The following CTDSPL2 variants were observed in gnomAD, a reference collection of about 807,000 sequenced individuals.
CTDSPL2 encodes CTD small phosphatase like 2, also known as CTD small phosphatase-like protein 2.
A neutral mutation model predicts 60.0 loss-of-function variants in CTDSPL2; 5 were observed. The ratio of observed to expected loss-of-function variants is 0.08; its 90% CI spans 0.04 to 0.18. The LOEUF (loss-of-function observed/expected upper bound fraction) is 0.18, where lower values mean the gene tolerates loss of function less well. Ranked by LOEUF, CTDSPL2 falls within the 10% of genes least tolerant of loss-of-function variation. The probability of loss-of-function intolerance (pLI) is 1.00; values close to 1 mark genes in which losing one functional copy is unlikely to be tolerated. For missense variants in CTDSPL2, 370 were observed against 548.8 expected, an observed-to-expected ratio of 0.67 and a Z score of 3.26; for synonymous variants, 186 against 189.3, an observed-to-expected ratio of 0.98 and a Z score of 0.14.
chr15:44,500,765 T>A (rs1900237118), intron 8 of CTDSPL2, among the ~76,000 whole-genome samples: 1 of 152,122 alleles, frequency 6.6e-6, no homozygotes, highest in African/African-American at 2.4e-5. Context: ...TAAATAGAAG[T>A]TTGTGGTTCA....
At chr15:44,436,482 G>A (rs914081485) in intron 1 of CTDSPL2, among the ~76,000 whole-genome samples, 2 of 152,020 alleles carry the variant, frequency 1.3e-5, no homozygotes, top group Non-Finnish European at 2.9e-5. Context: ...TTATTTTTTA[G>A]GTAAAATTTA....
At position 44,447,096 on chromosome 15, in the gene CTDSPL2, A is replaced by G. The variant is rs77208440; in HGVS notation, c.-24-11895A>G. Among the ~76,000 whole-genome samples the G allele has an allele frequency of 1.7e-3, 258 of 152,318 alleles. 3 individuals carry two copies. Among genetic ancestry groups the G allele is most frequent in the African/African-American group, 5.8e-3 (243 of 41,580 alleles). ...AGTTATTTATATTGAAATTATGTGG[A>G]AATTTTTACTTAAAACACTTCTGCT... On this transcript the variant is annotated intron_variant, in intron 1 of 12. Transcript: ENST00000260327.
rs144599281 is a variant in CTDSPL2, at chr15:44,490,453, G to C, written c.476-331G>C. Among the ~76,000 whole-genome samples, 343 of 152,248 alleles carry C rather than the reference G, an allele frequency of 2.3e-3. 1 individual carries two copies. Among genetic ancestry groups the C allele is most frequent in the African/African-American group, 8.0e-3 (331 of 41,552 alleles). On this transcript the variant is annotated intron_variant, in intron 4 of 12. Transcript: ENST00000260327. ...GCCCAGTCTTTGTTATTGAGATGGA[G>C]TTTTGCTGAGAAATTATTTTTATAT...
intron 5 of CTDSPL2, among the ~76,000 whole-genome samples, chr15:44,494,871 G>A (rs1567092694): frequency 2.0e-5 from 3 of 152,008 alleles, no homozygotes; most frequent in East Asian, 3.9e-4. Context: ...AGCCCAGATC[G>A]CGCCACTGCA....
intron 8 of CTDSPL2, among the ~76,000 whole-genome samples, chr15:44,510,286 C>T (rs1333876033): frequency 6.6e-6 from 1 of 152,158 alleles, no homozygotes; most frequent in Non-Finnish European, 1.5e-5. Flanking sequence ...GCGTGAGCCA[C>T]CATGCCTGGC....
chr15:44,442,620 T>TTTCTGGCCTTTTC (rs1301976735), intron 1 of CTDSPL2, among the ~76,000 whole-genome samples: 1 of 152,064 alleles, frequency 6.6e-6, no homozygotes, highest in Non-Finnish European at 1.5e-5. Flanking sequence ...TTGGTCCCTT[T>TTTCTGGCCTTTTC]TTCTGTCCTT....
chr15:44,507,281 C>T (rs2140848758), intron 8 of CTDSPL2, among the ~76,000 whole-genome samples: 1 of 151,406 alleles, frequency 6.6e-6, no homozygotes, highest in South Asian at 2.1e-4. Flanking sequence ...GATGGGGTTT[C>T]ACCATGTTGG....
chr15:44,474,400 A>G (rs992403555), intron 2 of CTDSPL2, among the ~76,000 whole-genome samples: 2 of 151,934 alleles, frequency 1.3e-5, no homozygotes, highest in African/African-American at 4.8e-5. Context: ...CTGAGGCGGG[A>G]GATCGCTTGA....
chr15:44,429,330 A>G (rs1438293076), intron 1 of CTDSPL2, among the ~76,000 whole-genome samples: 3 of 152,224 alleles, frequency 2.0e-5, no homozygotes, highest in Non-Finnish European at 2.9e-5. Flanking sequence ...GAGTCAGTTT[A>G]TTTAAAAAAT....
chr15:44,502,069 T>G, intron 8 of CTDSPL2: 1 of 445,458 alleles, frequency 2.2e-6, no homozygotes, highest in South Asian at 1.6e-5. Context: ...ACTTAAATCT[T>G]TAACCACTGT....
chr15:44,435,149 A>G (rs897300927), intron 1 of CTDSPL2, among the ~76,000 whole-genome samples: 2 of 151,524 alleles, frequency 1.3e-5, no homozygotes, highest in African/African-American at 4.9e-5. Flanking sequence ...AATCCCAGCC[A>G]CGGGGGCTGA....
intron 2 of CTDSPL2, among the ~76,000 whole-genome samples, chr15:44,476,834 AT>A: frequency 6.6e-6 from 1 of 152,344 alleles, no homozygotes; most frequent in East Asian, 1.9e-4. Flanking sequence ...ATATAGAAAA[AT>A]TTTGAAATTG....
chr15:44,439,121 A>G (rs991186191), intron 1 of CTDSPL2, among the ~76,000 whole-genome samples: 1 of 148,960 alleles, frequency 6.7e-6, no homozygotes, highest in Non-Finnish European at 1.5e-5. Flanking sequence ...CCCAAGCTTT[A>G]TATTATTATT....
At chr15:44,483,432 G>A (rs1180373078) in intron 2 of CTDSPL2, among the ~76,000 whole-genome samples, 1 of 151,984 alleles carries the variant, frequency 6.6e-6, no homozygotes, top group Non-Finnish European at 1.5e-5. Context: ...CAGCTACTCG[G>A]GAGGCTGAGG....
chr15:44,503,747 G>C (rs539719111), intron 8 of CTDSPL2: 1 of 152,332 alleles, frequency 6.6e-6, no homozygotes, highest in South Asian at 2.1e-4. Context: ...AGGGGCATCT[G>C]ATTTTTGACT....
chr15:44,513,171 A>G (rs1195759307), intron 8 of CTDSPL2, among the ~76,000 whole-genome samples: 1 of 152,034 alleles, frequency 6.6e-6, no homozygotes, highest in Admixed American at 6.6e-5. Flanking sequence ...TGATCATTCA[A>G]AATTTGTCTT....
chr15:44,446,305 A>G (rs1020498093), intron 1 of CTDSPL2, among the ~76,000 whole-genome samples: 2 of 152,042 alleles, frequency 1.3e-5, no homozygotes, highest in African/African-American at 2.4e-5. Flanking sequence ...ACCCATTCCA[A>G]TGGACCATTC....
At position 44,467,058 on chromosome 15, in the gene CTDSPL2, T is replaced by C. The variant is rs145087098; in HGVS notation, c.186+7858T>C. ...AAACATAGAAAAGAAACAGTAAAAATAGAGTATTATAATCTTACGAGACCA... is the reference window on the plus strand; with the variant it reads ...AAACATAGAAAAGAAACAGTAAAAACAGAGTATTATAATCTTACGAGACCA... On this transcript the variant is annotated intron_variant, in intron 2 of 12. Coordinates refer to ENST00000260327, the MANE Select transcript of CTDSPL2 (RefSeq NM_016396.3). Among the ~76,000 whole-genome samples the C allele has an allele frequency of 2.1e-4, 32 of 152,326 alleles. No individual in the cohort carries two copies. In the East Asian group the frequency reaches 5.2e-3, roughly 25 times the overall value.
chr15:44,462,358 T>C (rs115227352), intron 2 of CTDSPL2, among the ~76,000 whole-genome samples: 1,565 of 152,280 alleles, frequency 0.01, 35 homozygotes, highest in African/African-American at 0.036. Flanking sequence ...GTTTTGGCAC[T>C]AGCAGCTGAT....
Sources: allele counts gnomAD v4.1 joint callset (sites outside exome capture counted in the v4.1 genomes callset), GRCh38; gene constraint gnomAD v4.1.1; transcripts MANE v1.5; gene names NCBI Gene and HGNC (gene_info 2026-07-23, HGNC 2026-07-21).